TTBK2: variants seen among roughly 807,000 people sequenced by gnomAD.
TTBK2 encodes tau tubulin kinase 2, also known as tau-tubulin kinase 2.
In TTBK2, 28 loss-of-function variants were observed where a neutral mutation model predicts 110.8. The ratio of observed to expected loss-of-function variants is 0.25; its 90% CI spans 0.19 to 0.35. TTBK2 has a LOEUF of 0.35. TTBK2 is among the 10% of genes least tolerant of loss of function. The pLI, the probability that TTBK2 is intolerant of heterozygous loss-of-function variation, is 1.00. For missense variants in TTBK2, 1,369 were observed against 1,500.3 expected, an observed-to-expected ratio of 0.91 and a Z score of 1.45; for synonymous variants, 532 against 527.3, an observed-to-expected ratio of 1.01 and a Z score of -0.12.
intron 9 of TTBK2, among the ~76,000 whole-genome samples, chr15:42,804,748 C>T (rs759138609): frequency 1.3e-5 from 2 of 152,172 alleles, no homozygotes; most frequent in Non-Finnish European, 2.9e-5. Context: ...CTAGAATAGA[C>T]GTCTTTTCCT....
In TTBK2 at chr15:42,780,083, C is replaced by T. The variant is rs548770055; in HGVS notation, c.1198-2841G>A. ...TGTCACCTAGGCTGGAGTGCAGTGG[C>T]GCAAACTTGGCTCACTGCAGCTTCT... On this transcript the variant is annotated intron_variant, in intron 11 of 14. Transcript: ENST00000267890. Among the ~76,000 whole-genome samples, 257 of 151,566 alleles carry T rather than the reference C, an allele frequency of 1.7e-3. 2 individuals carry two copies. The highest frequency in any genetic ancestry group is 2.8e-3 in the Non-Finnish European group (189 of 67,848).
intron 5 of TTBK2, among the ~76,000 whole-genome samples, chr15:42,829,058 C>G (rs1420806858): frequency 6.6e-6 from 1 of 152,160 alleles, no homozygotes; most frequent in Non-Finnish European, 1.5e-5. Context: ...TAGAAATAGA[C>G]TGACTCTACT....
At chr15:42,796,135 G>A (rs1326403747) in intron 9 of TTBK2, among the ~76,000 whole-genome samples, 2 of 152,162 alleles carry the variant, frequency 1.3e-5, no homozygotes, top group African/African-American at 4.8e-5. Flanking sequence ...CACGCACGGT[G>A]GCTCACGCCT....
intron 3 of TTBK2, among the ~76,000 whole-genome samples, chr15:42,869,977 C>T (rs1056130798): frequency 3.9e-5 from 6 of 151,916 alleles, no homozygotes; most frequent in South Asian, 4.2e-4. Flanking sequence ...TGGAGTTACT[C>T]GCCTGGCCAA....
At chr15:42,766,264 T>C (rs1595889362) in intron 13 of TTBK2, among the ~76,000 whole-genome samples, 1 of 151,484 alleles carries the variant, frequency 6.6e-6, no homozygotes, top group Non-Finnish European at 1.5e-5. Context: ...AATGCACACA[T>C]AACAATATTA....
intron 4 of TTBK2, among the ~76,000 whole-genome samples, chr15:42,839,461 C>T (rs1433467218): frequency 6.6e-6 from 1 of 152,112 alleles, no homozygotes; most frequent in Non-Finnish European, 1.5e-5. Flanking sequence ...TGGGTATATA[C>T]CCTGTAATGG....
At chr15:42,812,968 T>C (rs1056013019) in intron 7 of TTBK2, among the ~76,000 whole-genome samples, 1 of 151,134 alleles carries the variant, frequency 6.6e-6, no homozygotes, top group Non-Finnish European at 1.5e-5. Context: ...AATCCAGTAG[T>C]GAACTTAAGA....
intron 13 of TTBK2, among the ~76,000 whole-genome samples, chr15:42,764,446 G>A (rs1889258661): frequency 6.6e-6 from 1 of 152,278 alleles, no homozygotes; most frequent in Admixed American, 6.5e-5. Context: ...GGCACACCAG[G>A]AGATTACATC....
At position 42,752,518 on chromosome 15, in the gene TTBK2, T is replaced by C. The variant is rs974820996; in HGVS notation, c.2728A>G (p.Thr910Ala). ...TGAAATAGTTCTCCATTTCTAGGGG[T>C]GATTTTCTCTCTCTTGCCCTCTTGG... ...LHQEGKREKITPRNGELFHCV... is the reference protein window; with the variant it reads ...LHQEGKREKIAPRNGELFHCV... The change falls in exon 14 of 15, where the codon ACC becomes GCC. Residue 910 changes from threonine (T) to alanine (A), a missense_variant. This residue lies in a region of TTBK2 where 1,097 missense variants were observed against 1,114.7 expected (regional missense o/e 0.98). Coordinates refer to ENST00000267890, the MANE Select transcript of TTBK2 (RefSeq NM_173500.4). 1 of 1,614,164 alleles carries C rather than the reference T, an allele frequency of 6.2e-7. No homozygotes were observed. The highest frequency in any genetic ancestry group is 1.7e-5 in the Admixed American group (1 of 60,022).
At chr15:42,917,806 AGT>A (rs2031163261) in intron 1 of TTBK2, among the ~76,000 whole-genome samples, 2 of 152,304 alleles carry the variant, frequency 1.3e-5, no homozygotes, top group South Asian at 4.1e-4. Flanking sequence ...CTACATTTTG[AGT>A]GTCTCTCAAA....
At chr15:42,804,006 T>C (rs1417722390) in intron 9 of TTBK2, among the ~76,000 whole-genome samples, 1 of 51,642 alleles carries the variant, frequency 1.9e-5, no homozygotes. Flanking sequence ...CAGCGAGGAG[T>C]GCAAAAAAAA....
intron 1 of TTBK2, among the ~76,000 whole-genome samples, chr15:42,916,499 C>A (rs1219156578): frequency 1.3e-5 from 2 of 152,060 alleles, no homozygotes; most frequent in East Asian, 3.9e-4. Context: ...GCTAATTTTT[C>A]TATTTTTAGT....
intron 1 of TTBK2, among the ~76,000 whole-genome samples, chr15:42,882,744 T>G (rs745365604): frequency 9.9e-5 from 15 of 152,118 alleles, no homozygotes; most frequent in Non-Finnish European, 2.1e-4. Context: ...AAACACATAT[T>G]TAAAGTACTA....
At chr15:42,821,605 T>C (rs923141720) in intron 6 of TTBK2, among the ~76,000 whole-genome samples, 4 of 152,084 alleles carry the variant, frequency 2.6e-5, no homozygotes, top group Non-Finnish European at 5.9e-5. Context: ...CTGTCCCTTG[T>C]CAGCACTTAG....
At chr15:42,895,849 C>T (rs1259227326) in intron 1 of TTBK2, among the ~76,000 whole-genome samples, 1 of 151,650 alleles carries the variant, frequency 6.6e-6, no homozygotes. Context: ...CAAAAAGATT[C>T]CATTACCACT....
rs1256399173 is a variant in TTBK2 at position 42,815,956 on chromosome 15, A to ATATAT, written c.603+1075_603+1076insATATA. Reference sequence around the variant, plus strand: ...AATATATATATATATATTTAAAAAAAAAATATATATATATATATATATTTG... The same window carrying ATATAT: ...AATATATATATATATATTTAAAAAAATATATAAATATATATATATATATATATTTG... On this transcript the variant is annotated intron_variant, in intron 7 of 14. Coordinates refer to ENST00000267890, the MANE Select transcript of TTBK2 (RefSeq NM_173500.4). Among the ~76,000 whole-genome samples, 330 of 63,942 alleles carry ATATAT rather than the reference A, an allele frequency of 5.2e-3. 10 individuals are homozygous for ATATAT. The highest frequency in any genetic ancestry group is 0.022 in the South Asian group (35 of 1,596). 41.9% of individuals were successfully genotyped at this position (63,942 alleles called of 152,430 possible).
chr15:42,884,882 C>G (rs1404169119), intron 1 of TTBK2, among the ~76,000 whole-genome samples: 1 of 152,178 alleles, frequency 6.6e-6, no homozygotes, highest in Non-Finnish European at 1.5e-5. Context: ...TGATGACATT[C>G]CACCATTGTG....
At chr15:42,849,224 T>G (rs1893596516) in intron 3 of TTBK2, among the ~76,000 whole-genome samples, 1 of 152,208 alleles carries the variant, frequency 6.6e-6, no homozygotes. Flanking sequence ...TCAAGTTCAC[T>G]GAATCTTTCA....
In TTBK2 at chr15:42,739,181, T is replaced by C. The variant is rs1382763207; in HGVS notation, c.*6614A>G. 3 of 152,108 alleles carry C rather than the reference T, an allele frequency of 2.0e-5. No individual in the cohort carries two copies. The highest frequency in any genetic ancestry group is 2.9e-5 in the Non-Finnish European group (2 of 68,034). The allele number at this position is 152,108 out of a possible 1,614,324, so 9.4% of individuals were successfully genotyped here. A position where few individuals can be genotyped will look rare whatever the true frequency, so the allele number is the denominator to read the frequency against. On this transcript the variant is annotated 3_prime_UTR_variant, in exon 15 of 15. Transcript: ENST00000267890. ...TCTGTCCTTGGTTGCCTGAGCAAAA[T>C]TGTATAAAGGGAGCTGCTTGGAGGG...
Sources: allele counts gnomAD v4.1 joint callset (sites outside exome capture counted in the v4.1 genomes callset), GRCh38; gene constraint gnomAD v4.1.1; regional missense constraint gnomAD v4.1.1; transcripts MANE v1.5; gene names NCBI Gene and HGNC (gene_info 2026-07-23, HGNC 2026-07-21).